Variants in AMOTL1 observed in about 807,000 individuals in gnomAD.
AMOTL1 encodes the protein angiomotin-like protein 1.
A neutral mutation model predicts 102.9 loss-of-function variants in AMOTL1; 45 were observed. That is an observed-to-expected ratio of 0.44 (90% CI 0.34 to 0.56). AMOTL1 has a LOEUF of 0.56. Ranked by LOEUF, AMOTL1 falls within the 20% of genes least tolerant of loss-of-function variation. The pLI is 0.01. For synonymous variants in AMOTL1, 481 were observed against 484.7 expected (o/e 0.99, Z 0.10); for missense variants, 1,114 against 1,225.6 (o/e 0.91, Z 1.36).
chr11:94,710,312 A>G (rs542996517), intron 1 of AMOTL1, among the ~76,000 whole-genome samples: 1 of 152,352 alleles, frequency 6.6e-6, no homozygotes, highest in South Asian at 2.1e-4. Context: ...TGGTGAAGAC[A>G]CATAGACTAT....
At chr11:94,800,457 G>A (rs911120611) in intron 3 of AMOTL1, 146 bp downstream of exon 3, 1 of 887,844 alleles carries the variant, frequency 1.1e-6, no homozygotes, top group South Asian at 1.8e-5. Flanking sequence ...TTTGTGGCCA[G>A]AATATATAGG....
rs1953057481 is a variant in AMOTL1, at chr11:94,874,294, C to T, written c.*3499C>T. 1 of 152,246 alleles carries T rather than the reference C, an allele frequency of 6.6e-6. No individual in the cohort carries two copies. 9.4% of individuals were successfully genotyped at this position (152,246 alleles called of 1,614,324 possible). On this transcript the variant is annotated 3_prime_UTR_variant, in exon 13 of 13. Coordinates refer to ENST00000433060, the MANE Select transcript of AMOTL1 (RefSeq NM_130847.3). ...GAGCATGTGCAGAACCCTTTCTTAG[C>T]GTTTTCTTCTCAGCATTTTCTCTGC...
chr11:94,772,633 T>C (rs1310868156), intron 1 of AMOTL1, among the ~76,000 whole-genome samples: 2 of 152,256 alleles, frequency 1.3e-5, no homozygotes, highest in East Asian at 3.8e-4. Flanking sequence ...ATGGGTTTTT[T>C]CCAGTTCATG....
intron 1 of AMOTL1, among the ~76,000 whole-genome samples, chr11:94,771,917 T>G (rs1950959125): frequency 6.6e-6 from 1 of 152,240 alleles, no homozygotes; most frequent in Admixed American, 6.5e-5. Flanking sequence ...TTTCAAAAAC[T>G]GTCGTTCTAT....
At chr11:94,761,691 T>C (rs1251678654) in intron 3 of AMOTL1, among the ~76,000 whole-genome samples, 2 of 152,202 alleles carry the variant, frequency 1.3e-5, no homozygotes, top group African/African-American at 4.8e-5. Context: ...TTTAACTTCT[T>C]CCCTCACTTT....
intron 9 of AMOTL1, among the ~76,000 whole-genome samples, chr11:94,862,114 AC>A (rs1283218587): frequency 2.0e-5 from 3 of 151,900 alleles, no homozygotes; most frequent in Admixed American, 2.0e-4. Flanking sequence ...CATCCCCGTC[AC>A]CCCTCCTTCT....
intron 3 of AMOTL1, among the ~76,000 whole-genome samples, chr11:94,744,993 A>G (rs1339715383): frequency 6.6e-6 from 1 of 152,136 alleles, no homozygotes; most frequent in Admixed American, 6.5e-5. Flanking sequence ...ATTTGTTGAA[A>G]TTTATTATCT....
chr11:94,806,818 AG>A (rs1257295151), intron 3 of AMOTL1, among the ~76,000 whole-genome samples: 1 of 152,186 alleles, frequency 6.6e-6, no homozygotes, highest in African/African-American at 2.4e-5. Context: ...TTTTGATCTT[AG>A]TTTACCCAAG....
chr11:94,732,962 G>C (rs150052526), intron 2 of AMOTL1, among the ~76,000 whole-genome samples: 50 of 152,354 alleles, frequency 3.3e-4, no homozygotes, highest in Middle Eastern at 3.4e-3. Context: ...ACTGGTCAAG[G>C]AGGAAGGAGG....
At chr11:94,721,402 T>C (rs1409200426) in intron 1 of AMOTL1, among the ~76,000 whole-genome samples, 1 of 152,076 alleles carries the variant, frequency 6.6e-6, no homozygotes, top group Non-Finnish European at 1.5e-5. Flanking sequence ...TTAAATGTGG[T>C]GTTATGGATT....
At chr11:94,731,730 A>G (rs1044366295) in intron 2 of AMOTL1, among the ~76,000 whole-genome samples, 2 of 152,150 alleles carry the variant, frequency 1.3e-5, no homozygotes, top group African/African-American at 4.8e-5. Flanking sequence ...AACTTGTACG[A>G]CATCATTCAG....
In AMOTL1 at chr11:94,799,564, C is replaced by T. The variant is rs368970970; in HGVS notation, c.374C>T (p.Ala125Val). The change falls in exon 3 of 13, where the codon GCC (alanine) becomes GTC (valine). Residue 125 changes from alanine to valine, a missense_variant. Coordinates refer to ENST00000433060, the MANE Select transcript of AMOTL1 (RefSeq NM_130847.3). The surrounding 1 kb of genome is among the most constrained non-coding windows in gnomAD (Gnocchi z 4.5). ...AACTTGCTGGCCATTCAGCACCAGG[C>T]CACAGGGAGTGCAGGACCAGCCCAT... ...NMNLLAIQHQATGSAGPAHPT... is the reference protein window; with the variant it reads ...NMNLLAIQHQVTGSAGPAHPT... The T allele has an allele frequency of 8.7e-6, 14 of 1,613,726 alleles. No homozygotes were observed. The East Asian group carries it at 3.1e-4, about 36-fold the overall frequency.
intron 3 of AMOTL1, among the ~76,000 whole-genome samples, chr11:94,802,936 T>G (rs1032735969): frequency 1.3e-5 from 2 of 152,250 alleles, no homozygotes; most frequent in Admixed American, 6.5e-5. Context: ...ATCTTGTGCT[T>G]AAAGGGTTAT....
chr11:94,806,664 G>A (rs369235548), intron 3 of AMOTL1, among the ~76,000 whole-genome samples: 5 of 152,124 alleles, frequency 3.3e-5, no homozygotes, highest in Admixed American at 1.3e-4. Flanking sequence ...CCTGACAAAC[G>A]GCTCTGCAGC....
At chr11:94,737,759 T>A (rs1470868463) in intron 2 of AMOTL1, among the ~76,000 whole-genome samples, 2 of 152,200 alleles carry the variant, frequency 1.3e-5, no homozygotes, top group Non-Finnish European at 2.9e-5. Flanking sequence ...AAACCTGCTG[T>A]TAGGATCTAG....
chr11:94,851,564 A>G (rs1308951992), intron 7 of AMOTL1, among the ~76,000 whole-genome samples: 1 of 152,236 alleles, frequency 6.6e-6, no homozygotes, highest in Non-Finnish European at 1.5e-5. Flanking sequence ...GTAATTTACC[A>G]TGATGGGTAA....
chr11:94,718,640 A>G lies in AMOTL1; in HGVS notation c.-50-10281A>G, dbSNP rs546847272. 2.0e-5 allele frequency among the ~76,000 whole-genome samples: 3 copies of G among 151,822 alleles called. No individual in the cohort carries two copies. The South Asian group carries it at 6.2e-4, about 31-fold the overall frequency. ...GATAAGTGAAAAAAAAGATATCAAG[A>G]TTGTTTTGACTCTTTGAGTGTTGCA... is the stretch of plus-strand genomic sequence containing the variant. On this transcript the variant is annotated intron_variant, in intron 1 of 4. Transcript: ENST00000299004.
chr11:94,715,324 T>G (rs1950080356), intron 1 of AMOTL1, among the ~76,000 whole-genome samples: 1 of 152,118 alleles, frequency 6.6e-6, no homozygotes, highest in African/African-American at 2.4e-5. Flanking sequence ...ATGCCACCAC[T>G]CCCAGCTAAT....
chr11:94,849,966 A>T, intron 6 of AMOTL1, 148 bp from the exon 7 acceptor site: 1 of 1,006,908 alleles, frequency 9.9e-7, no homozygotes, highest in Non-Finnish European at 1.4e-6. Flanking sequence ...CCATACCACC[A>T]CTATGAAAAG....
Sources: allele counts gnomAD v4.1 joint callset (sites outside exome capture counted in the v4.1 genomes callset), GRCh38; gene constraint gnomAD v4.1.1; non-coding constraint Gnocchi (gnomAD v3.1); transcripts MANE v1.5; gene names NCBI Gene and HGNC (gene_info 2026-07-23, HGNC 2026-07-21).